The following SYNE2 variants were observed in gnomAD, a reference collection of about 807,000 sequenced individuals.
The protein encoded by SYNE2 is nesprin-2.
In SYNE2, 431 loss-of-function variants were observed where a neutral mutation model predicts 856.3. The ratio of observed to expected loss-of-function variants is 0.50; its 90% confidence interval spans 0.47 to 0.55. SYNE2 has a LOEUF of 0.55. Ranked by LOEUF, SYNE2 falls within the 20% of genes least tolerant of loss-of-function variation. The pLI, the probability that SYNE2 is intolerant of heterozygous loss-of-function variation, is 0.00. For synonymous variants in SYNE2, 2,923 were observed against 2,872.3 expected, an observed-to-expected ratio of 1.02 and a Z score of -0.56; for missense variants, 8,129 against 8,023.2, an observed-to-expected ratio of 1.01 and a Z score of -0.50.
chr14:63,812,568 A>G (rs1183882910), intron 1 of SYNE2, among the ~76,000 whole-genome samples: 3 of 152,254 alleles, frequency 2.0e-5, no homozygotes, highest in African/African-American at 7.2e-5. Flanking sequence ...TAATTTTGGG[A>G]ACTGATAAAT....
chr14:63,864,092 T>A (rs888796968), intron 1 of SYNE2, among the ~76,000 whole-genome samples: 15 of 152,130 alleles, frequency 9.9e-5, no homozygotes, highest in Non-Finnish European at 1.9e-4. Flanking sequence ...GGATTACAGG[T>A]GTGAGCCACG....
chr14:63,817,797 G>T (rs1717841741), intron 1 of SYNE2, among the ~76,000 whole-genome samples: 1 of 152,048 alleles, frequency 6.6e-6, no homozygotes, highest in African/African-American at 2.4e-5. Flanking sequence ...GCCAAGGCAG[G>T]AGGATTGCTT....
chr14:64,178,015 G>C (rs1467608673), intron 96 of SYNE2, among the ~76,000 whole-genome samples: 2 of 152,150 alleles, frequency 1.3e-5, no homozygotes, highest in Admixed American at 6.5e-5. Context: ...GATAGGAATT[G>C]GGGCCAGGAA....
intron 99 of SYNE2, among the ~76,000 whole-genome samples, chr14:64,199,979 C>T (rs1188628970): frequency 6.6e-6 from 1 of 151,966 alleles, no homozygotes; most frequent in Non-Finnish European, 1.5e-5. Flanking sequence ...ATTCCCCCAC[C>T]TTCTCCATAC....
intron 1 of SYNE2, among the ~76,000 whole-genome samples, chr14:63,893,923 G>A (rs895729889): frequency 6.6e-6 from 1 of 152,174 alleles, no homozygotes; most frequent in Non-Finnish European, 1.5e-5. Flanking sequence ...GGGAGTCAAG[G>A]CTCCAGCCAG....
chr14:63,976,793 A>G, intron 12 of SYNE2, 66 bp downstream of exon 12: 1 of 1,527,936 alleles, frequency 6.5e-7, no homozygotes, highest in Non-Finnish European at 9.1e-7. Flanking sequence ...CTTGAGGAAG[A>G]CTTTGTCCTA....
chr14:64,163,650 CT>C, intron 89 of SYNE2, 69 bp downstream of exon 89: 1 of 1,584,714 alleles, frequency 6.3e-7, no homozygotes. Context: ...CCCTTGTATC[CT>C]TTGAAGCAGT....
chr14:64,122,320 G>T lies in SYNE2; in HGVS notation c.13315G>T (p.Asp4439Tyr). 6.2e-7 allele frequency: 1 copy of T among 1,614,136 alleles called. No individual in the cohort carries two copies. The highest frequency in any genetic ancestry group is 1.7e-5 in the Admixed American group (1 of 60,006). ...QASSPENDVP[D>Y]SILSPQGQNG... ...ATCCAGCCCTGAAAATGACGTTCCA[G>T]ACTCGATCTTGTCACCCCAGGGCCA... The change falls in exon 70 of 116, where the codon GAC (aspartate) becomes TAC (tyrosine). Residue 4439 changes from aspartate (D) to tyrosine (Y), a missense_variant. Coordinates refer to ENST00000555002, the MANE Select transcript of SYNE2 (RefSeq NM_182914.3).
intron 78 of SYNE2, among the ~76,000 whole-genome samples, chr14:64,137,241 TC>T (rs2098101079): frequency 6.6e-6 from 1 of 152,106 alleles, no homozygotes. Flanking sequence ...GCTCTGTCGC[TC>T]AGGCTGGAGT....
intron 1 of SYNE2, among the ~76,000 whole-genome samples, chr14:63,875,888 G>A (rs546368600): frequency 3.3e-5 from 5 of 152,248 alleles, no homozygotes; most frequent in East Asian, 1.9e-4. Flanking sequence ...AGTTCTTCAA[G>A]GTTCCCAGAC....
At chr14:63,963,291 A>G (rs951407623) in intron 9 of SYNE2, among the ~76,000 whole-genome samples, 1 of 152,258 alleles carries the variant, frequency 6.6e-6, no homozygotes, top group Non-Finnish European at 1.5e-5. Flanking sequence ...GAGTGCAAAA[A>G]TATTAGAAAA....
intron 2 of SYNE2, among the ~76,000 whole-genome samples, chr14:63,909,738 G>T (rs1326780088): frequency 6.6e-6 from 1 of 152,220 alleles, no homozygotes; most frequent in African/African-American, 2.4e-5. Flanking sequence ...CTACTTGGGA[G>T]GCTGAAGCAG....
Position 64,162,256 on chromosome 14 carries a change from C to G in SYNE2, c.16279C>G (p.Pro5427Ala). ...SGNNLAEILP[P>A]ALQDIKELQH... ...AAACAACCTGGCAGAGATCCTGCCC[C>G]CAGCCCTGCAGGACATAAAGGTGGG... Residue 5427 changes from proline (P) to alanine (A), a missense_variant, in exon 88 of 116, where the codon CCA becomes GCA. Physicochemically the swap from Pro to Ala is conservative, Grantham distance 27 (BLOSUM62 -1). Coordinates refer to ENST00000555002, the MANE Select transcript of SYNE2 (RefSeq NM_182914.3). The G allele has an allele frequency of 6.2e-7, 1 of 1,614,148 alleles. No homozygotes were observed. The highest frequency in any genetic ancestry group is 8.5e-7 in the Non-Finnish European group (1 of 1,179,990).
chr14:63,770,988 A>C (rs1886877567), intron 1 of SYNE2, among the ~76,000 whole-genome samples: 1 of 152,064 alleles, frequency 6.6e-6, no homozygotes, highest in African/African-American at 2.4e-5. Context: ...TTCCAGGGAT[A>C]AGTCATCATG....
Position 64,188,655 on chromosome 14 carries a change from G to A in SYNE2, c.17818G>A (p.Val5940Ile). The change falls in exon 98 of 116, where the codon GTT becomes ATT. Residue 5940 changes from valine to isoleucine, a missense_variant. Transcript: ENST00000555002. ...CTGGCTGGTGCAGATGGAAAACAAA[G>A]TTCTACAGACAGCGGACATTAGTAT... ...CAWLVQMENK[V>I]LQTADISIEE... is the part of the protein sequence containing the mutation. The A allele has an allele frequency of 1.2e-6, 2 of 1,614,196 alleles. No homozygotes were observed. Among genetic ancestry groups the A allele is most frequent in the Non-Finnish European group, 1.7e-6 (2 of 1,180,028 alleles).
intron 54 of SYNE2, among the ~76,000 whole-genome samples, chr14:64,078,236 C>A (rs2097485590): frequency 6.6e-6 from 1 of 151,994 alleles, no homozygotes; most frequent in Non-Finnish European, 1.5e-5. Context: ...AAATAAAAAA[C>A]CAATTTTTAT....
intron 2 of SYNE2, among the ~76,000 whole-genome samples, chr14:63,932,178 C>G (rs1438922194): frequency 2.6e-5 from 4 of 151,922 alleles, no homozygotes; most frequent in African/African-American, 9.7e-5. Flanking sequence ...GTCAGGAGTT[C>G]AAGACCAGCC....
At position 63,788,994 on chromosome 14, in the gene SYNE2, TGTG is replaced by T. The variant is rs569084627; in HGVS notation, c.-305+27012_-305+27014del. Among the ~76,000 whole-genome samples the T allele has an allele frequency of 1.3e-3, 193 of 152,236 alleles. 1 individual carries two copies. The Middle Eastern group carries it at 0.02, about 16-fold the overall frequency. ...TCAACAGATAAATAGATAAAGAAAATGTGGTGTATATATACACAATGGAATATT... is the reference window on the plus strand; with the variant it reads ...TCAACAGATAAATAGATAAAGAAAATGTGTATATATACACAATGGAATATT... On this transcript the variant is annotated intron_variant, in intron 1 of 23. Coordinates refer to the SYNE2 transcript ENST00000674003.
chr14:64,100,527 AAAAAATATATATATATATATATATAT>A (rs1183185339), intron 63 of SYNE2, among the ~76,000 whole-genome samples: 13 of 66,252 alleles, frequency 2.0e-4, no homozygotes, highest in Non-Finnish European at 2.6e-4. Context: ...AAAAAAAAAA[AAAAAATATATATATATATATATATAT>A]ATATATATAT....
Sources: gnomAD v4.1 joint callset for allele counts (sites outside exome capture counted in the v4.1 genomes callset) on GRCh38, gnomAD v4.1.1 for gene constraint, MANE v1.5 for transcripts, NCBI Gene and HGNC (gene_info 2026-07-23, HGNC 2026-07-21) for gene names.